RELL1: variants seen among roughly 807,000 people sequenced by gnomAD.
RELL1 encodes the protein RELT like 1.
RELL1 carries 10 observed loss-of-function variants against 23.0 expected under a neutral mutation model. That is an observed-to-expected ratio of 0.43 (90% CI 0.27 to 0.74). The LOEUF is 0.74. RELL1 is among the 30% of genes least tolerant of loss of function. The pLI, the probability that RELL1 is intolerant of heterozygous loss-of-function variation, is 0.19. For synonymous variants in RELL1, 146 were observed against 146.8 expected (o/e 0.99, Z 0.04); for missense variants, 315 against 364.4 (o/e 0.86, Z 1.10).
intron 2 of RELL1, among the ~76,000 whole-genome samples, chr4:37,648,632 A>T (rs1469509562): frequency 6.6e-6 from 1 of 152,248 alleles, no homozygotes; most frequent in Non-Finnish European, 1.5e-5. Context: ...CCACATTAGG[A>T]GAAACAGATG....
chr4:37,593,955 C>G (rs2940994), intron 6 of RELL1, among the ~76,000 whole-genome samples: 84,402 of 152,058 alleles, frequency 0.56, 26,725 homozygotes, highest in Non-Finnish European at 0.72. Flanking sequence ...GCAGACAAGT[C>G]TCTTTCTCTT....
chr4:37,615,979 A>G (rs1011700494), intron 6 of RELL1, among the ~76,000 whole-genome samples: 16 of 149,840 alleles, frequency 1.1e-4, no homozygotes, highest in African/African-American at 3.4e-4. Flanking sequence ...GATTCTCTAG[A>G]AAAAAAAAAG....
At chr4:37,634,052 C>T (rs966175976) in intron 5 of RELL1, among the ~76,000 whole-genome samples, 75 of 152,350 alleles carry the variant, frequency 4.9e-4, no homozygotes, top group African/African-American at 1.7e-3. Context: ...AATGCAACAT[C>T]GGCAATGCAG....
At chr4:37,665,013 C>A (rs933917589) in intron 1 of RELL1, among the ~76,000 whole-genome samples, 4 of 152,190 alleles carry the variant, frequency 2.6e-5, no homozygotes, top group Admixed American at 2.6e-4. Flanking sequence ...TACCTCTAAT[C>A]CCTAACACAG....
intron 6 of RELL1, among the ~76,000 whole-genome samples, chr4:37,599,765 T>C (rs557639399): frequency 1.3e-5 from 2 of 152,234 alleles, no homozygotes; most frequent in Non-Finnish European, 2.9e-5. Flanking sequence ...CGTAAGACCA[T>C]GAATTTCCTT....
chr4:37,645,946 G>A (rs909256126), intron 3 of RELL1, among the ~76,000 whole-genome samples: 2 of 152,206 alleles, frequency 1.3e-5, no homozygotes, highest in Admixed American at 6.5e-5. Context: ...GTGAGGATCT[G>A]GGAGTGTGGG....
intron 5 of RELL1, among the ~76,000 whole-genome samples, chr4:37,633,266 A>G (rs1009101018): frequency 6.6e-6 from 1 of 151,962 alleles, no homozygotes; most frequent in Non-Finnish European, 1.5e-5. Flanking sequence ...AAAATTAGCC[A>G]GGCATGGTGG....
intron 1 of RELL1, among the ~76,000 whole-genome samples, chr4:37,663,349 G>A (rs1430476236): frequency 2.6e-5 from 4 of 152,260 alleles, no homozygotes; most frequent in South Asian, 2.1e-4. Context: ...TGGCTCTTGC[G>A]AACCTTTAAA....
In RELL1 at chr4:37,612,808, T is replaced by G. The variant is rs1719451174; in HGVS notation, c.*538A>C. 6.6e-6 allele frequency: 1 copy of G among 152,164 alleles called. No homozygotes were observed. The highest frequency in any genetic ancestry group is 1.5e-5 in the Non-Finnish European group (1 of 68,038). The allele number at this position is 152,164 out of a possible 1,614,324, so 9.4% of individuals were successfully genotyped here. A position where few individuals can be genotyped will look rare whatever the true frequency, so the allele number is the denominator to read the frequency against. On this transcript the variant is annotated 3_prime_UTR_variant, in exon 7 of 7. Transcript: ENST00000454158. ...AACTCCTCAGGGCTAACTAGATTATTTCCACTGAGCTTTTACCACTGAAGA... is the reference window on the plus strand; with the variant it reads ...AACTCCTCAGGGCTAACTAGATTATGTCCACTGAGCTTTTACCACTGAAGA...
At chr4:37,674,239 A>G (rs1721940242) in intron 1 of RELL1, among the ~76,000 whole-genome samples, 2 of 152,352 alleles carry the variant, frequency 1.3e-5, no homozygotes, top group South Asian at 4.1e-4. Flanking sequence ...GAAGTTTGTT[A>G]TTCATTTTAC....
intron 6 of RELL1, among the ~76,000 whole-genome samples, chr4:37,624,056 G>A (rs1267262263): frequency 6.6e-6 from 1 of 152,158 alleles, no homozygotes; most frequent in Non-Finnish European, 1.5e-5. Context: ...GGGTCCCCAA[G>A]GAGCTTCTAC....
chr4:37,605,269 G>A (rs1485333776), intron 6 of RELL1, among the ~76,000 whole-genome samples: 1 of 152,180 alleles, frequency 6.6e-6, no homozygotes, highest in African/African-American at 2.4e-5. Flanking sequence ...GTATATATGT[G>A]TGTACAGGGG....
chr4:37,631,520 A>G lies in RELL1; in HGVS notation c.684T>C (p.Phe228=). ...GEVTVLSVGR[F]RVTKVEHKSN... ...ACTTGTGCTCCACTTTTGTAACTCT[A>G]AATCTGAGGGGGGAATGGGGAGAGG... Residue 228 remains phenylalanine, a synonymous_variant, in exon 6 of 7, where the codon TTT becomes TTC. Transcript: ENST00000454158. 1.2e-6 allele frequency: 2 copies of G among 1,613,756 alleles called. No homozygotes were observed. Among genetic ancestry groups the G allele is most frequent in the Non-Finnish European group, 1.7e-6 (2 of 1,179,874 alleles).
chr4:37,600,270 A>C (rs1448647679), intron 6 of RELL1, among the ~76,000 whole-genome samples: 1 of 27,136 alleles, frequency 3.7e-5, no homozygotes, highest in African/African-American at 3.8e-4. Flanking sequence ...ACTCCATCTC[A>C]AAAAAAAAAA....
intron 1 of RELL1, among the ~76,000 whole-genome samples, chr4:37,663,598 A>G (rs939331333): frequency 1.2e-4 from 19 of 152,156 alleles, no homozygotes; most frequent in Admixed American, 1.1e-3. Context: ...CTTCCCTCGC[A>G]GCATCTGTAA....
intron 6 of RELL1, among the ~76,000 whole-genome samples, chr4:37,600,570 C>G (rs374333804): frequency 6.6e-6 from 1 of 152,088 alleles, no homozygotes; most frequent in Admixed American, 6.6e-5. Flanking sequence ...GGAATTTATC[C>G]TTTGAACTTT....
rs150304384 is a variant in RELL1, at chr4:37,603,005, A to G, written c.*4-11788T>C. On this transcript the variant is annotated intron_variant, in intron 6 of 6. Coordinates refer to the RELL1 transcript ENST00000314117. ...GCAGTGCCAGAAAATCAGTTAGAAA[A>G]AAACTAGACTTGAACCTTTACTCTC... 3.3e-5 allele frequency among the ~76,000 whole-genome samples: 5 copies of G among 152,394 alleles called. No individual in the cohort carries two copies. In the East Asian group the frequency reaches 7.7e-4, roughly 23 times the overall value.
intron 6 of RELL1, among the ~76,000 whole-genome samples, chr4:37,601,191 C>T (rs1455843949): frequency 6.6e-6 from 1 of 152,134 alleles, no homozygotes; most frequent in Non-Finnish European, 1.5e-5. Context: ...TACCTGGTTC[C>T]GCCCCCAGCC....
intron 1 of RELL1, among the ~76,000 whole-genome samples, chr4:37,677,829 G>C (rs189194912): frequency 4.6e-5 from 7 of 151,956 alleles, no homozygotes; most frequent in African/African-American, 1.7e-4. Flanking sequence ...AAAATTAGCC[G>C]GGCATGGTGG....
Sources: gnomAD v4.1 joint callset for allele counts (sites outside exome capture counted in the v4.1 genomes callset) on GRCh38, gnomAD v4.1.1 for gene constraint, MANE v1.5 for transcripts, NCBI Gene and HGNC (gene_info 2026-07-23, HGNC 2026-07-21) for gene names.